The following PCDHGA11 variants were observed in gnomAD, a reference collection of about 807,000 sequenced individuals.
The protein encoded by PCDHGA11 is protocadherin gamma-A11.
In PCDHGA11, 39 loss-of-function variants were observed where a neutral mutation model predicts 60.4. That is an observed-to-expected ratio of 0.65 (90% confidence interval 0.50 to 0.84). The LOEUF is 0.84. Ranked by LOEUF, PCDHGA11 falls within the 40% of genes least tolerant of loss-of-function variation. PCDHGA11 has a pLI of 0.00. For missense variants in PCDHGA11, 1,165 were observed against 1,197.7 expected, an observed-to-expected ratio of 0.97 and a Z score of 0.40; for synonymous variants, 533 against 510.3, an observed-to-expected ratio of 1.04 and a Z score of -0.60.
At position 141,512,161 on chromosome 5, in the gene PCDHGA11, G is replaced by A. The variant is rs1176664723; in HGVS notation, c.*988G>A. On this transcript the variant is annotated 3_prime_UTR_variant, in exon 4 of 4. Transcript: ENST00000398587. ...AGCCAGCTTTGGGCTGAGCTAACAGGACCAATGGATTAAACTGGCATTTCA... is the reference window on the plus strand; with the variant it reads ...AGCCAGCTTTGGGCTGAGCTAACAGAACCAATGGATTAAACTGGCATTTCA... The A allele has an allele frequency of 6.5e-6, 1 of 152,704 alleles. No homozygotes were observed. Among genetic ancestry groups the A allele is most frequent in the African/African-American group, 2.4e-5 (1 of 41,440 alleles). 9.5% of individuals were successfully genotyped at this position (152,704 alleles called of 1,614,324 possible). A position where few individuals can be genotyped will look rare whatever the true frequency, so the allele number is the denominator to read the frequency against.
At position 141,485,162 on chromosome 5, in the gene PCDHGA11, C is replaced by A. The variant is rs759021453; in HGVS notation, c.2434-9645C>A. The A allele has an allele frequency of 8.7e-6, 14 of 1,602,188 alleles. No individual in the cohort carries two copies. The Admixed American group carries it at 2.0e-4, about 23-fold the overall frequency. ...GTCTCAGGAGCAAGTAGAGAATTAGCGGGCGGCAGCAATGCTCCGCAAGGT... is the reference window on the plus strand; with the variant it reads ...GTCTCAGGAGCAAGTAGAGAATTAGAGGGCGGCAGCAATGCTCCGCAAGGT... On this transcript the variant is annotated intron_variant, in intron 1 of 3. Transcript: ENST00000398587. The surrounding 1 kb of genome is among the most constrained non-coding windows in gnomAD (Gnocchi z 5.7).
intron 1 of PCDHGA11, among the ~76,000 whole-genome samples, chr5:141,444,735 C>G (rs924159168): frequency 6.6e-6 from 1 of 152,116 alleles, no homozygotes; most frequent in Admixed American, 6.5e-5. Flanking sequence ...TGTTGAAAGT[C>G]ATTTCACTGA....
chr5:141,486,161 A>G lies in PCDHGA11; in HGVS notation c.2434-8646A>G. 1 of 1,614,216 alleles carries G rather than the reference A, an allele frequency of 6.2e-7. No individual in the cohort carries two copies. The highest frequency in any genetic ancestry group is 8.5e-7 in the Non-Finnish European group (1 of 1,180,038). ...GGCTCGCGATGGGGGTTCTCCAGCC[A>G]TGGAGCAACATTGCAGCCTTCGAGT... On this transcript the variant is annotated intron_variant, in intron 1 of 3. Coordinates refer to ENST00000398587, the MANE Select transcript of PCDHGA11 (RefSeq NM_018914.3). The surrounding 1 kb of genome is among the most constrained non-coding windows in gnomAD (Gnocchi z 5.0).
rs999687684 is a variant in PCDHGA11, at chr5:141,431,598, C to T, written c.2433+7938C>T. 1 of 1,614,192 alleles carries T rather than the reference C, an allele frequency of 6.2e-7. No homozygotes were observed. The highest frequency in any genetic ancestry group is 8.5e-7 in the Non-Finnish European group (1 of 1,180,046). ...GGAGTCAATGCGGAAGTGAGGTATT[C>T]CTTCCGGTATGTGGACGACAAGGCG... is the stretch of plus-strand genomic sequence containing the variant. On this transcript the variant is annotated intron_variant, in intron 1 of 3. Coordinates refer to ENST00000398587, the MANE Select transcript of PCDHGA11 (RefSeq NM_018914.3). This position sits in a 1 kb window ranked among gnomAD's most constrained non-coding sequence, Gnocchi z 4.8.
chr5:141,421,221 G>A lies in PCDHGA11; in HGVS notation c.-7G>A, dbSNP rs746753262. The A allele has an allele frequency of 6.3e-7, 1 of 1,576,508 alleles. No homozygotes were observed. The highest frequency in any genetic ancestry group is 8.6e-7 in the Non-Finnish European group (1 of 1,163,904). On this transcript the variant is annotated 5_prime_UTR_variant, in exon 1 of 4. Transcript: ENST00000398587. ...AGAAACCGCGGAATATCGGCTTAGAGCCTGCCATGGCGAATCGGCTACAGC... is the reference window on the plus strand; with the variant it reads ...AGAAACCGCGGAATATCGGCTTAGAACCTGCCATGGCGAATCGGCTACAGC...
intron 1 of PCDHGA11, among the ~76,000 whole-genome samples, chr5:141,447,761 T>C (rs2098551051): frequency 1.3e-5 from 2 of 152,186 alleles, no homozygotes; most frequent in African/African-American, 4.8e-5. Context: ...TGACTGTATA[T>C]AAATTATACT....
Position 141,485,931 on chromosome 5 carries a change from A to C in PCDHGA11, c.2434-8876A>C, listed in dbSNP as rs761979804. 3 of 1,614,192 alleles carry C rather than the reference A, an allele frequency of 1.9e-6. No individual in the cohort carries two copies. In the South Asian group the frequency reaches 3.3e-5, roughly 18 times the overall value. On this transcript the variant is annotated intron_variant, in intron 1 of 3. Transcript: ENST00000398587. This position sits in a 1 kb window ranked among gnomAD's most constrained non-coding sequence, Gnocchi z 5.7. Reference sequence around the variant, plus strand: ...TCCAGCTACAGGATTAGTGTGTTGGAGAGCGCACCAGCGGGCATGGTGCTC... The same window carrying C: ...TCCAGCTACAGGATTAGTGTGTTGGCGAGCGCACCAGCGGGCATGGTGCTC...
intron 2 of PCDHGA11, among the ~76,000 whole-genome samples, chr5:141,500,020 T>A (rs905529317): frequency 6.6e-6 from 1 of 151,918 alleles, no homozygotes; most frequent in Non-Finnish European, 1.5e-5. Flanking sequence ...ACATTTTATA[T>A]TTGAGTGAGT....
intron 2 of PCDHGA11, among the ~76,000 whole-genome samples, chr5:141,498,309 G>A (rs2099783046): frequency 6.6e-6 from 1 of 151,844 alleles, no homozygotes; most frequent in Non-Finnish European, 1.5e-5. Flanking sequence ...GGGTCACACT[G>A]CCTACACAGA....
chr5:141,449,424 T>C (rs2098638345), intron 1 of PCDHGA11, among the ~76,000 whole-genome samples: 1 of 151,674 alleles, frequency 6.6e-6, no homozygotes, highest in Admixed American at 6.6e-5. Context: ...CTGGCCAACA[T>C]GATAAAACTC....
In PCDHGA11 at chr5:141,480,033, C is replaced by G. The variant is rs370321166; in HGVS notation, c.2434-14774C>G. On this transcript the variant is annotated intron_variant, in intron 1 of 3. Coordinates refer to ENST00000398587, the MANE Select transcript of PCDHGA11 (RefSeq NM_018914.3). ...CTCAATCTCCTTTCTAAGCCTCTTC[C>G]TCATATGCAAAAAGGGAATAATAAG... is the stretch of plus-strand genomic sequence containing the variant. Among the ~76,000 whole-genome samples, 3 of 152,224 alleles carry G rather than the reference C, an allele frequency of 2.0e-5. No individual in the cohort carries two copies. The East Asian group carries it at 5.8e-4, about 29-fold the overall frequency.
chr5:141,490,846 G>T lies in PCDHGA11; in HGVS notation c.2434-3961G>T. 1 of 1,613,880 alleles carries T rather than the reference G, an allele frequency of 6.2e-7. No individual in the cohort carries two copies. Among genetic ancestry groups the T allele is most frequent in the Non-Finnish European group, 8.5e-7 (1 of 1,179,906 alleles). ...GCAGATGCTGCAGATTGTGGTGGGG[G>T]TTCGAGACTCCGGCTCTCCCCCATT... On this transcript the variant is annotated intron_variant, in intron 1 of 3. Coordinates refer to ENST00000398587, the MANE Select transcript of PCDHGA11 (RefSeq NM_018914.3). This position sits in a 1 kb window ranked among gnomAD's most constrained non-coding sequence, Gnocchi z 5.4.
chr5:141,440,883 T>C (rs1435173649), intron 1 of PCDHGA11: 4 of 152,178 alleles, frequency 2.6e-5, no homozygotes, highest in Non-Finnish European at 5.9e-5. Flanking sequence ...AGCGTCGGCC[T>C]TCAGGAAGAT....
chr5:141,466,358 A>T (rs1210013683), intron 1 of PCDHGA11, among the ~76,000 whole-genome samples: 3 of 152,066 alleles, frequency 2.0e-5, no homozygotes, highest in Non-Finnish European at 4.4e-5. Context: ...GCTAATCTAG[A>T]TGTAATGGTT....
At chr5:141,460,829 A>C (rs1242954704) in intron 1 of PCDHGA11, among the ~76,000 whole-genome samples, 1 of 151,944 alleles carries the variant, frequency 6.6e-6, no homozygotes, top group African/African-American at 2.4e-5. Flanking sequence ...ATACACACTT[A>C]AAGTAATGGC....
chr5:141,428,110 C>G (rs917739943), intron 1 of PCDHGA11: 11 of 1,607,538 alleles, frequency 6.8e-6, no homozygotes, highest in Middle Eastern at 3.4e-4. Context: ...GTGCTGCAGG[C>G]CATCGAGCCC....
At position 141,511,345 on chromosome 5, in the gene PCDHGA11, T is replaced by C; in HGVS notation, c.*172T>C. ...AAGTGCCCAGTCAGCACCTACCCCT[T>C]CCCCCCCAGGGGGTTGAATATGCAA... On this transcript the variant is annotated 3_prime_UTR_variant, in exon 4 of 4. Transcript: ENST00000398587. The C allele has an allele frequency of 1.4e-6, 2 of 1,410,502 alleles. No homozygotes were observed. The highest frequency in any genetic ancestry group is 9.4e-7 in the Non-Finnish European group (1 of 1,060,676). 87.4% of individuals were successfully genotyped at this position (1,410,502 alleles called of 1,614,324 possible).
intron 1 of PCDHGA11, among the ~76,000 whole-genome samples, chr5:141,466,554 G>A (rs2099125028): frequency 6.6e-6 from 1 of 152,068 alleles, no homozygotes. Flanking sequence ...TTTGCTGTGG[G>A]CTTCATCTTC....
chr5:141,490,346 T>A lies in PCDHGA11; in HGVS notation c.2434-4461T>A. On this transcript the variant is annotated intron_variant, in intron 1 of 3. Coordinates refer to ENST00000398587, the MANE Select transcript of PCDHGA11 (RefSeq NM_018914.3). This position sits in a 1 kb window ranked among gnomAD's most constrained non-coding sequence, Gnocchi z 5.4. ...GAGAGCACACCAGTGGGCACAGTAG[T>A]GGGGTTGTTTAATGTGCGAGACCGG... The A allele has an allele frequency of 6.2e-7, 1 of 1,614,164 alleles. No individual in the cohort carries two copies. The highest frequency in any genetic ancestry group is 8.5e-7 in the Non-Finnish European group (1 of 1,180,020).
Sources: allele counts gnomAD v4.1 joint callset (sites outside exome capture counted in the v4.1 genomes callset), GRCh38; gene constraint gnomAD v4.1.1; non-coding constraint Gnocchi (gnomAD v3.1); transcripts MANE v1.5; gene names NCBI Gene and HGNC (gene_info 2026-07-23, HGNC 2026-07-21).